The following ST3GAL4 variants were observed in gnomAD, a reference collection of about 807,000 sequenced individuals.
The protein encoded by ST3GAL4 is ST3 beta-galactoside alpha-2,3-sialyltransferase 4.
A neutral mutation model predicts 42.6 loss-of-function variants in ST3GAL4; 24 were observed. The observed-to-expected ratio is 0.56, with a 90% CI of 0.41 to 0.79. The LOEUF (loss-of-function observed/expected upper bound fraction) is 0.79. Among genes scored for constraint, ST3GAL4 ranks in the 30% least tolerant of loss-of-function variants. The probability of loss-of-function intolerance (pLI) is 0.00; values close to 1 mark genes in which losing one functional copy is unlikely to be tolerated. For missense variants in ST3GAL4, 311 were observed against 430.8 expected (o/e 0.72, Z 2.46); for synonymous variants, 135 against 163.2 (o/e 0.83, Z 1.32).
rs1253431851 is a variant in ST3GAL4, at chr11:126,400,294, T to C, written c.-60-5802T>C. 1.3e-5 allele frequency among the ~76,000 whole-genome samples: 2 copies of C among 152,336 alleles called. No homozygotes were observed. Among genetic ancestry groups the C allele is most frequent in the South Asian group, 2.1e-4 (1 of 4,826 alleles). On this transcript the variant is annotated intron_variant, in intron 1 of 10. Coordinates refer to ENST00000444328, the MANE Select transcript of ST3GAL4 (RefSeq NM_001254757.2). This position sits in a 1 kb window ranked among gnomAD's most constrained non-coding sequence, Gnocchi z 4.6. ...AAGACAGATCAAGAGGGGACCTAAC[T>C]GGCCTTTTATAAGGAACCCAGTTCC...
rs1446234194 is a variant in ST3GAL4, at chr11:126,383,682, G to A, written c.-60-22414G>A. Among the ~76,000 whole-genome samples the A allele has an allele frequency of 9.2e-5, 14 of 152,126 alleles. No individual in the cohort carries two copies. Among genetic ancestry groups the A allele is most frequent in the Non-Finnish European group, 1.5e-4 (10 of 68,022 alleles). ...TGTAGGTTACTGACATGGGAGGGCCGGTGTGAGCTGCAGGGACCGGAGAGC... is the reference window on the plus strand; with the variant it reads ...TGTAGGTTACTGACATGGGAGGGCCAGTGTGAGCTGCAGGGACCGGAGAGC... On this transcript the variant is annotated intron_variant, in intron 1 of 10. Transcript: ENST00000444328. This position sits in a 1 kb window ranked among gnomAD's most constrained non-coding sequence, Gnocchi z 4.5.
chr11:126,385,937 AGGGT>A (rs1953209634), intron 1 of ST3GAL4, among the ~76,000 whole-genome samples: 1 of 152,000 alleles, frequency 6.6e-6, no homozygotes, highest in South Asian at 2.1e-4. Context: ...CTGAGCTTTT[AGGGT>A]GGCCTGTGAC....
Position 126,407,563 on chromosome 11 carries a change from A to G in ST3GAL4, c.281-11A>G, listed in dbSNP as rs1591490658. On this transcript the variant is annotated splice_polypyrimidine_tract_variant and intron_variant, in intron 5 of 10. Coordinates refer to ENST00000444328, the MANE Select transcript of ST3GAL4 (RefSeq NM_001254757.2). ...TGTCACATCAGTCCCTCCGCCTGGT[A>G]CTTTTTGTAGAGGATCTGCTCCTCC... The G allele has an allele frequency of 1.2e-6, 2 of 1,613,992 alleles. No individual in the cohort carries two copies. Among genetic ancestry groups the G allele is most frequent in the African/African-American group, 2.7e-5 (2 of 74,914 alleles).
chr11:126,402,451 G>GA (rs575036017), intron 1 of ST3GAL4, among the ~76,000 whole-genome samples: 16,687 of 100,768 alleles, frequency 0.17, 1,226 homozygotes, highest in East Asian at 0.21. Context: ...AAGACTGTCT[G>GA]AAAAAAAAAA....
In ST3GAL4 at chr11:126,366,100, G is replaced by A. The variant is rs1175351439; in HGVS notation, c.-61+10258G>A. Among the ~76,000 whole-genome samples the A allele has an allele frequency of 6.6e-6, 1 of 152,198 alleles. No individual in the cohort carries two copies. ...TGGAGGAACGAGGTTCCTGAGGGCT[G>A]GCACAGCCACTCCCTGCCCCTTAGA... On this transcript the variant is annotated intron_variant, in intron 1 of 10. Coordinates refer to ENST00000444328, the MANE Select transcript of ST3GAL4 (RefSeq NM_001254757.2). The surrounding 1 kb of genome is among the most constrained non-coding windows in gnomAD (Gnocchi z 4.2).
At chr11:126,388,660 G>GTTTTTTTTTTTTT (rs10599019) in intron 1 of ST3GAL4, among the ~76,000 whole-genome samples, 11 of 79,284 alleles carry the variant, frequency 1.4e-4, no homozygotes, top group African/African-American at 3.3e-4. Flanking sequence ...TAGGTTTCTT[G>GTTTTTTTTTTTTT]TTTTTTTTTT....
rs1953525641 is a variant in ST3GAL4, at chr11:126,391,850, T to G, written c.-60-14246T>G. Among the ~76,000 whole-genome samples the G allele has an allele frequency of 6.6e-6, 1 of 152,122 alleles. No homozygotes were observed. Among genetic ancestry groups the G allele is most frequent in the African/African-American group, 2.4e-5 (1 of 41,408 alleles). On this transcript the variant is annotated intron_variant, in intron 1 of 10. Transcript: ENST00000444328. The surrounding 1 kb of genome is among the most constrained non-coding windows in gnomAD (Gnocchi z 5.5). ...TGACACCCTCCAGATACAGAGTTCT[T>G]GCTCTGTGTTTGGCCCATACCTAAT...
In ST3GAL4 at chr11:126,406,789, C is replaced by G. The variant is rs1954253273; in HGVS notation, c.102-154C>G. 2 of 943,392 alleles carry G rather than the reference C, an allele frequency of 2.1e-6. No homozygotes were observed. Among genetic ancestry groups the G allele is most frequent in the Non-Finnish European group, 3.2e-6 (2 of 619,322 alleles). The allele number at this position is 943,392 out of a possible 1,614,324, so 58.4% of individuals were successfully genotyped here. On this transcript the variant is annotated intron_variant, in intron 3 of 10. Coordinates refer to ENST00000444328, the MANE Select transcript of ST3GAL4 (RefSeq NM_001254757.2). This position sits in a 1 kb window ranked among gnomAD's most constrained non-coding sequence, Gnocchi z 5.4. ...GTGCAGGGGCAGGAAGACCTGGATC[C>G]TCAAGGACTTGGGTTCCAAGTGGAA...
chr11:126,356,377 AC>A (rs1279712769), intron 1 of ST3GAL4: 2 of 152,488 alleles, frequency 1.3e-5, no homozygotes, highest in Admixed American at 6.5e-5. Flanking sequence ...GGCCTAGGCC[AC>A]TGTGCCTCAG....
Position 126,391,937 on chromosome 11 carries a change from G to C in ST3GAL4, c.-60-14159G>C, listed in dbSNP as rs2186717. On this transcript the variant is annotated intron_variant, in intron 1 of 10. Coordinates refer to ENST00000444328, the MANE Select transcript of ST3GAL4 (RefSeq NM_001254757.2). This position sits in a 1 kb window ranked among gnomAD's most constrained non-coding sequence, Gnocchi z 5.5. ...TCAGAACACCTGTGATAACTTGGTC[G>C]TGTGTGTGTGTGTGTGTGTGTGTGT... Among the ~76,000 whole-genome samples the C allele has an allele frequency of 9.7e-6, 1 of 102,862 alleles. No individual in the cohort carries two copies. The highest frequency in any genetic ancestry group is 2.1e-5 in the Non-Finnish European group (1 of 48,252). 67.5% of individuals were successfully genotyped at this position (102,862 alleles called of 152,430 possible). A position where few individuals can be genotyped will look rare whatever the true frequency, so the allele number is the denominator to read the frequency against.
Position 126,410,417 on chromosome 11 carries a change from G to T in ST3GAL4, c.771+1006G>T, listed in dbSNP as rs113714147. Among the ~76,000 whole-genome samples, 95 of 152,278 alleles carry T rather than the reference G, an allele frequency of 6.2e-4. 1 individual carries two copies. The highest frequency in any genetic ancestry group is 2.0e-3 in the Admixed American group (30 of 15,294). ...AGGCACTAGCAGACACAGGTATGGC[G>T]CTTGGCTGTGCTGTGTACTGTGTGG... On this transcript the variant is annotated intron_variant, in intron 9 of 10. Transcript: ENST00000444328. The surrounding 1 kb of genome is among the most constrained non-coding windows in gnomAD (Gnocchi z 5.3).
rs1192436186 is a variant in ST3GAL4 at position 126,408,131 on chromosome 11, A to C, written c.374A>C (p.Asn125Thr). 6.2e-7 allele frequency: 1 copy of C among 1,614,054 alleles called. No homozygotes were observed. The highest frequency in any genetic ancestry group is 1.1e-5 in the South Asian group (1 of 91,080). The part of the protein sequence containing the change: ...LRCRRCVVVG[N>T]GHRLRNSSLG... ...TGCCGCCGCTGTGTGGTCGTGGGGAACGGGCACCGGCTGCGGAACAGCTCA... is the reference window on the plus strand; with the variant it reads ...TGCCGCCGCTGTGTGGTCGTGGGGACCGGGCACCGGCTGCGGAACAGCTCA... The change falls in exon 7 of 11, where the codon AAC (asparagine) becomes ACC (threonine). Residue 125 changes from asparagine (N) to threonine (T), a missense_variant. By Grantham distance (65) the Asn-to-Thr change is moderately conservative. Transcript: ENST00000444328.
In ST3GAL4 at chr11:126,386,710, C is replaced by A. The variant is rs1280271645; in HGVS notation, c.-60-19386C>A. Among the ~76,000 whole-genome samples, 1 of 152,184 alleles carries A rather than the reference C, an allele frequency of 6.6e-6. No homozygotes were observed. ...ACAGGGGAAATGGCATGGAGAAAGA[C>A]AAACACCGGTGGGTGGCTCTGCCAG... On this transcript the variant is annotated intron_variant, in intron 1 of 10. Transcript: ENST00000444328. The surrounding 1 kb of genome is among the most constrained non-coding windows in gnomAD (Gnocchi z 4.7).
At position 126,397,268 on chromosome 11, in the gene ST3GAL4, G is replaced by A. The variant is rs1476168304; in HGVS notation, c.-60-8828G>A. Among the ~76,000 whole-genome samples, 1 of 152,210 alleles carries A rather than the reference G, an allele frequency of 6.6e-6. No homozygotes were observed. The highest frequency in any genetic ancestry group is 1.9e-4 in the East Asian group (1 of 5,194). On this transcript the variant is annotated intron_variant, in intron 1 of 10. Coordinates refer to ENST00000444328, the MANE Select transcript of ST3GAL4 (RefSeq NM_001254757.2). This position sits in a 1 kb window ranked among gnomAD's most constrained non-coding sequence, Gnocchi z 5.0. ...ATACAAAGAAGTTCCTGACCACAGA[G>A]GTCATTTAGGCAAGCTAGGAAAGCA... is the stretch of plus-strand genomic sequence containing the variant.
intron 6 of ST3GAL4, among the ~76,000 whole-genome samples, 178 bp downstream of exon 6, chr11:126,407,812 A>G (rs1257745767): frequency 6.6e-6 from 1 of 151,252 alleles, no homozygotes; most frequent in Non-Finnish European, 1.5e-5. Context: ...AGGCTGCTCG[A>G]GGGTATTGCA....
rs138593483 is a variant in ST3GAL4 at position 126,383,613 on chromosome 11, G to A, written c.-60-22483G>A. Reference sequence around the variant, plus strand: ...GGTGTGTGTGTGTGACCAAGCTTGCGGGCGCCTGAGTATGGACTAGTGTGT... The same window carrying A: ...GGTGTGTGTGTGTGACCAAGCTTGCAGGCGCCTGAGTATGGACTAGTGTGT... On this transcript the variant is annotated intron_variant, in intron 1 of 10. Transcript: ENST00000444328. This position sits in a 1 kb window ranked among gnomAD's most constrained non-coding sequence, Gnocchi z 4.5. Among the ~76,000 whole-genome samples, 10 of 152,268 alleles carry A rather than the reference G, an allele frequency of 6.6e-5. No individual in the cohort carries two copies. Among genetic ancestry groups the A allele is most frequent in the Admixed American group, 2.6e-4 (4 of 15,296 alleles).
intron 1 of ST3GAL4, among the ~76,000 whole-genome samples, chr11:126,377,177 C>A (rs892931279): frequency 2.7e-5 from 4 of 147,504 alleles, no homozygotes; most frequent in Non-Finnish European, 4.5e-5. Context: ...AAAAATGACA[C>A]TTTTTTTTTT....
intron 1 of ST3GAL4, among the ~76,000 whole-genome samples, chr11:126,404,639 C>G (rs1365617548): frequency 1.3e-5 from 2 of 152,194 alleles, no homozygotes; most frequent in Non-Finnish European, 2.9e-5. Flanking sequence ...GTTACTAGGA[C>G]AATACCTTTA....
At chr11:126,371,142 A>C (rs986247350) in intron 1 of ST3GAL4, among the ~76,000 whole-genome samples, 6 of 117,102 alleles carry the variant, frequency 5.1e-5, no homozygotes, top group African/African-American at 9.5e-5. Flanking sequence ...ACTATGATCT[A>C]TTCTATTCTT....
Sources: allele counts gnomAD v4.1 joint callset (sites outside exome capture counted in the v4.1 genomes callset), GRCh38; gene constraint gnomAD v4.1.1; non-coding constraint Gnocchi (gnomAD v3.1); transcripts MANE v1.5; gene names NCBI Gene and HGNC (gene_info 2026-07-23, HGNC 2026-07-21).